Variants in MAML3 observed in about 807,000 individuals in gnomAD.
MAML3 encodes mastermind-like protein 3.
Under a neutral mutation model 101.9 loss-of-function variants are expected in MAML3, and 27 were observed. That is an observed-to-expected ratio of 0.27 (90% confidence interval 0.20 to 0.37). MAML3 has a LOEUF of 0.37. Ranked by LOEUF, MAML3 falls within the 10% of genes least tolerant of loss-of-function variation. MAML3 has a pLI of 1.00. For synonymous variants in MAML3, 501 were observed against 555.9 expected (o/e 0.90, Z 1.39); for missense variants, 1,316 against 1,444.9 (o/e 0.91, Z 1.45).
At position 140,086,331 on chromosome 4, in the gene MAML3, T is replaced by C. The variant is rs114104551; in HGVS notation, c.468+66529A>G. ...TGAATCTCACTTTGATAAGCACACA[T>C]GCTTGGACTCAAACAGGTCATCTCC... On this transcript the variant is annotated intron_variant, in intron 1 of 4. Transcript: ENST00000509479. Among the ~76,000 whole-genome samples the C allele has an allele frequency of 3.4e-3, 511 of 152,350 alleles. 1 individual carries two copies. The highest frequency in any genetic ancestry group is 0.012 in the African/African-American group (488 of 41,582).
intron 2 of MAML3, among the ~76,000 whole-genome samples, chr4:139,756,300 A>G (rs184998152): frequency 5.3e-5 from 8 of 152,348 alleles, no homozygotes; most frequent in African/African-American, 1.7e-4. Context: ...ATTCACTTTT[A>G]AAGTCCATGG....
intron 1 of MAML3, among the ~76,000 whole-genome samples, chr4:139,962,322 G>A (rs887939806): frequency 3.3e-5 from 5 of 152,260 alleles, no homozygotes; most frequent in African/African-American, 1.2e-4. Context: ...AGCATAACTA[G>A]TTAGACAACT....
chr4:139,912,712 C>T (rs1191158222), intron 1 of MAML3, among the ~76,000 whole-genome samples: 3 of 152,234 alleles, frequency 2.0e-5, no homozygotes, highest in Non-Finnish European at 4.4e-5. Context: ...GAGGCAGAGA[C>T]TGGAGTTACG....
At chr4:140,057,204 A>G (rs1230224840) in intron 1 of MAML3, among the ~76,000 whole-genome samples, 1 of 152,200 alleles carries the variant, frequency 6.6e-6, no homozygotes, top group African/African-American at 2.4e-5. Context: ...TGAGCTCAGA[A>G]GTTCAAGGCT....
chr4:139,938,841 C>G (rs552217942), intron 1 of MAML3, among the ~76,000 whole-genome samples: 1 of 152,352 alleles, frequency 6.6e-6, no homozygotes, highest in East Asian at 1.9e-4. Flanking sequence ...ATAGTGCCTA[C>G]CCAGTGCACA....
At chr4:139,812,565 A>G (rs927810658) in intron 2 of MAML3, among the ~76,000 whole-genome samples, 3 of 152,244 alleles carry the variant, frequency 2.0e-5, no homozygotes, top group Non-Finnish European at 4.4e-5. Flanking sequence ...TCTACAATTC[A>G]GTGGTCGGAT....
At chr4:140,133,516 C>T (rs763666867) in intron 1 of MAML3, among the ~76,000 whole-genome samples, 3 of 152,078 alleles carry the variant, frequency 2.0e-5, no homozygotes, top group Admixed American at 6.5e-5. Context: ...AGAATGTAAA[C>T]GAAGCACCCT....
intron 1 of MAML3, among the ~76,000 whole-genome samples, chr4:139,941,855 C>G (rs981877854): frequency 6.6e-6 from 1 of 152,006 alleles, no homozygotes; most frequent in East Asian, 1.9e-4. Context: ...AATACCAAGC[C>G]GGTCACGATG....
chr4:139,871,727 A>G (rs1471953756), intron 2 of MAML3, among the ~76,000 whole-genome samples: 6 of 152,088 alleles, frequency 3.9e-5, no homozygotes, highest in South Asian at 2.1e-4. Flanking sequence ...TTTGTTCCTT[A>G]TTAACCCTTC....
At chr4:139,943,609 C>A (rs902467056) in intron 1 of MAML3, among the ~76,000 whole-genome samples, 1 of 152,086 alleles carries the variant, frequency 6.6e-6, no homozygotes, top group Admixed American at 6.6e-5. Context: ...TCATGTTTGG[C>A]TAAAATGCAA....
intron 1 of MAML3, among the ~76,000 whole-genome samples, chr4:139,935,649 T>C (rs970503299): frequency 2.6e-5 from 4 of 152,002 alleles, no homozygotes; most frequent in Non-Finnish European, 5.9e-5. Flanking sequence ...TTTTGTTTTT[T>C]TTTTTTGGTT....
intron 1 of MAML3, among the ~76,000 whole-genome samples, chr4:140,065,049 T>G (rs554166223): frequency 5.9e-5 from 9 of 152,348 alleles, no homozygotes; most frequent in Non-Finnish European, 1.0e-4. Context: ...CAGTCTGGAT[T>G]GAGGTCGTCT....
intron 1 of MAML3, among the ~76,000 whole-genome samples, chr4:140,140,211 C>T (rs1464872480): frequency 6.6e-6 from 1 of 152,040 alleles, no homozygotes; most frequent in African/African-American, 2.4e-5. Context: ...GTAGTCCCAG[C>T]TACTCGGAAG....
At chr4:139,952,486 TA>T (rs1463376976) in intron 1 of MAML3, among the ~76,000 whole-genome samples, 6 of 151,968 alleles carry the variant, frequency 3.9e-5, no homozygotes, top group Admixed American at 3.9e-4. Context: ...ACCTGGGGTG[TA>T]AAAATCCCTA....
chr4:139,915,577 G>A (rs748445568), intron 1 of MAML3, among the ~76,000 whole-genome samples: 5 of 152,160 alleles, frequency 3.3e-5, no homozygotes, highest in Admixed American at 6.5e-5. Context: ...GGCTACGATT[G>A]AGATCTACTA....
At chr4:139,990,727 A>G (rs1734653027) in intron 1 of MAML3, among the ~76,000 whole-genome samples, 1 of 152,166 alleles carries the variant, frequency 6.6e-6, no homozygotes, top group Non-Finnish European at 1.5e-5. Flanking sequence ...ATCAATGTAC[A>G]AAAATCACAA....
chr4:139,889,826 G>T lies in MAML3; in HGVS notation c.1610C>A (p.Pro537Gln). The T allele has an allele frequency of 1.9e-6, 3 of 1,613,872 alleles. No homozygotes were observed. The highest frequency in any genetic ancestry group is 2.5e-6 in the Non-Finnish European group (3 of 1,179,886). Residue 537 changes from proline to glutamine, a missense_variant, in exon 2 of 5, where the codon CCA (proline) becomes CAA (glutamine). Pro to Gln is a moderately conservative substitution (Grantham distance 76). Transcript: ENST00000509479. Reference protein sequence around the residue: ...PYGAAFTAEKPNSPMMYPQAF... With the variant: ...PYGAAFTAEKQNSPMMYPQAF... ...TTGGGGGTACATCATTGGGCTATTT[G>T]GTTTTTCTGCAGTAAAAGCTGCTCC... is the stretch of plus-strand genomic sequence containing the variant.
chr4:140,039,507 C>A (rs573347617), intron 1 of MAML3, among the ~76,000 whole-genome samples: 1 of 152,184 alleles, frequency 6.6e-6, no homozygotes, highest in Admixed American at 6.5e-5. Flanking sequence ...CACCAGGCCC[C>A]TAACCTTGAA....
chr4:139,995,717 CTTTGT>C (rs1437856805), intron 1 of MAML3, among the ~76,000 whole-genome samples: 1 of 151,816 alleles, frequency 6.6e-6, no homozygotes, highest in Non-Finnish European at 1.5e-5. Flanking sequence ...GTGTCTTTTG[CTTTGT>C]TTTGTTTTGG....
Sources: gnomAD v4.1 joint callset for allele counts (sites outside exome capture counted in the v4.1 genomes callset) on GRCh38, gnomAD v4.1.1 for gene constraint, MANE v1.5 for transcripts, NCBI Gene and HGNC (gene_info 2026-07-23, HGNC 2026-07-21) for gene names.